USP3: variants seen among roughly 807,000 people sequenced by gnomAD.
USP3 encodes the protein ubiquitin specific peptidase 3, also known as ubiquitin carboxyl-terminal hydrolase 3.
A neutral mutation model predicts 72.3 loss-of-function variants in USP3; 20 were observed. That is an observed-to-expected ratio of 0.28 (90% CI 0.19 to 0.40). The LOEUF is 0.40. Ranked by LOEUF, USP3 falls within the 10% of genes least tolerant of loss-of-function variation. The pLI is 1.00. For missense variants in USP3, 479 were observed against 633.9 expected (o/e 0.76, Z 2.62); for synonymous variants, 222 against 225.3 (o/e 0.99, Z 0.13).
intron 1 of USP3, among the ~76,000 whole-genome samples, chr15:63,513,996 C>T (rs2065821196): frequency 6.6e-6 from 1 of 152,166 alleles, no homozygotes; most frequent in African/African-American, 2.4e-5. Flanking sequence ...AAGATTAACT[C>T]TTATTTCCAT....
chr15:63,511,195 G>C (rs2065775256), intron 1 of USP3, among the ~76,000 whole-genome samples: 2 of 129,928 alleles, frequency 1.5e-5, no homozygotes, highest in South Asian at 5.1e-4. Flanking sequence ...TGCCCAAGAT[G>C]CTTGGGGAGT....
rs758365281 is a variant in USP3, at chr15:63,588,390, C to T, written c.1182C>T (p.Ser394=). ...MCHKCKKKQK[S]TKKFWIQKLP... ...ATAAATGCAAAAAGAAACAAAAGTC[C>T]ACAAAAAAGTTTTGGATTCAAAAAC... Residue 394 remains serine, a synonymous_variant, in exon 12 of 15, where the codon TCC becomes TCT. Transcript: ENST00000380324. This position sits in a 1 kb window ranked among gnomAD's most constrained non-coding sequence, Gnocchi z 4.6. 1 of 1,605,400 alleles carries T rather than the reference C, an allele frequency of 6.2e-7. No individual in the cohort carries two copies. Among genetic ancestry groups the T allele is most frequent in the Non-Finnish European group, 8.5e-7 (1 of 1,177,858 alleles).
chr15:63,589,846 T>TAGATGAAACCCAAATAAAAGA (rs1432005229), intron 14 of USP3, among the ~76,000 whole-genome samples: 1 of 152,164 alleles, frequency 6.6e-6, no homozygotes, highest in African/African-American at 2.4e-5. Context: ...CAATTTGGGT[T>TAGATGAAACCCAAATAAAAGA]TCATCTGTAT....
intron 3 of USP3, among the ~76,000 whole-genome samples, chr15:63,538,539 A>G (rs1413106095): frequency 1.3e-5 from 2 of 150,452 alleles, no homozygotes; most frequent in Non-Finnish European, 3.0e-5. Context: ...GTGGTTTGCC[A>G]GGTCTTTTAC....
chr15:63,571,055 A>G (rs1358777737), intron 9 of USP3, among the ~76,000 whole-genome samples: 1 of 152,222 alleles, frequency 6.6e-6, no homozygotes, highest in Non-Finnish European at 1.5e-5. Context: ...AGTTCTCAGA[A>G]GTTTTTCTTG....
intron 1 of USP3, among the ~76,000 whole-genome samples, chr15:63,531,345 G>A (rs1262173864): frequency 6.7e-6 from 1 of 150,258 alleles, no homozygotes; most frequent in African/African-American, 2.4e-5. Context: ...AAAATTGGTA[G>A]GTTAGATACA....
chr15:63,580,483 A>G (rs1183488468), intron 11 of USP3, among the ~76,000 whole-genome samples: 1 of 151,624 alleles, frequency 6.6e-6, no homozygotes, highest in Non-Finnish European at 1.5e-5. Context: ...TTTATATAGT[A>G]TATAAAGTTG....
chr15:63,550,732 C>T (rs74018115), intron 3 of USP3, among the ~76,000 whole-genome samples: 1,589 of 152,278 alleles, frequency 0.01, 24 homozygotes, highest in African/African-American at 0.037. Flanking sequence ...TGCTTGGTGT[C>T]TCAAAGATTT....
intron 5 of USP3, 65 bp downstream of exon 5, chr15:63,556,813 C>G (rs980382960): frequency 1.8e-6 from 2 of 1,116,994 alleles, no homozygotes; most frequent in Non-Finnish European, 2.6e-6. Context: ...TTTGTTACAA[C>G]TCTAACATGT....
chr15:63,522,671 A>G (rs1406866343), intron 1 of USP3, among the ~76,000 whole-genome samples: 2 of 148,610 alleles, frequency 1.3e-5, no homozygotes, highest in African/African-American at 2.4e-5. Context: ...CTTCTTTGCT[A>G]AAACAAAGTT....
intron 1 of USP3, among the ~76,000 whole-genome samples, chr15:63,523,638 G>A (rs1287394298): frequency 1.3e-5 from 2 of 152,180 alleles, no homozygotes; most frequent in Non-Finnish European, 2.9e-5. Flanking sequence ...TCCTTTTTAG[G>A]TCAGTTGTGG....
At chr15:63,511,032 A>G (rs191071962) in intron 1 of USP3, among the ~76,000 whole-genome samples, 181 of 152,176 alleles carry the variant, frequency 1.2e-3, no homozygotes, top group African/African-American at 3.5e-3. Context: ...TTTCTCATCT[A>G]TTAGTTTTAC....
At chr15:63,536,584 G>C (rs2066159953) in intron 2 of USP3, among the ~76,000 whole-genome samples, 1 of 151,972 alleles carries the variant, frequency 6.6e-6, no homozygotes, top group Non-Finnish European at 1.5e-5. Context: ...ATTAAAAGTT[G>C]ACTATAGTAT....
intron 1 of USP3, among the ~76,000 whole-genome samples, chr15:63,508,960 A>G (rs1486011812): frequency 6.6e-6 from 1 of 152,176 alleles, no homozygotes; most frequent in Non-Finnish European, 1.5e-5. Context: ...TGCACCAAAA[A>G]CTGCAGATAA....
intron 6 of USP3, among the ~76,000 whole-genome samples, chr15:63,558,535 C>T (rs981392069): frequency 4.6e-5 from 7 of 151,952 alleles, no homozygotes; most frequent in Non-Finnish European, 7.4e-5. Context: ...TTTCAGGCTA[C>T]AGTCTCTCTC....
chr15:63,521,241 T>C (rs1228685033), intron 1 of USP3, among the ~76,000 whole-genome samples: 2 of 152,006 alleles, frequency 1.3e-5, no homozygotes, highest in Non-Finnish European at 2.9e-5. Flanking sequence ...TAGTACTCCA[T>C]CTGTGGATGT....
chr15:63,560,694 G>T (rs1398364945), intron 7 of USP3, among the ~76,000 whole-genome samples: 6 of 152,120 alleles, frequency 3.9e-5, no homozygotes, highest in East Asian at 1.9e-4. Context: ...TACGGAGAGG[G>T]GGGGAAGAAA....
At position 63,570,295 on chromosome 15, in the gene USP3, G is replaced by A; in HGVS notation, c.762-138G>A. 9.1e-7 allele frequency: 1 copy of A among 1,096,492 alleles called. No individual in the cohort carries two copies. Among genetic ancestry groups the A allele is most frequent in the Non-Finnish European group, 1.3e-6 (1 of 777,052 alleles). 67.9% of individuals were successfully genotyped at this position (1,096,492 alleles called of 1,614,324 possible). A position where few individuals can be genotyped will look rare whatever the true frequency, so the allele number is the denominator to read the frequency against. ...AATTCTGTCACCTGTGGAGCTTTCG[G>A]GCATGAAGGTGAGGAAGCCTGGCTG... On this transcript the variant is annotated intron_variant, in intron 8 of 14. Transcript: ENST00000380324. This position sits in a 1 kb window ranked among gnomAD's most constrained non-coding sequence, Gnocchi z 4.4.
intron 2 of USP3, among the ~76,000 whole-genome samples, chr15:63,534,207 T>C (rs1394855357): frequency 6.6e-6 from 1 of 152,194 alleles, no homozygotes; most frequent in Admixed American, 6.5e-5. Context: ...AAATTCAGAA[T>C]AGCCTGAATT....
Sources: allele counts gnomAD v4.1 joint callset (sites outside exome capture counted in the v4.1 genomes callset), GRCh38; gene constraint gnomAD v4.1.1; non-coding constraint Gnocchi (gnomAD v3.1); transcripts MANE v1.5; gene names NCBI Gene and HGNC (gene_info 2026-07-23, HGNC 2026-07-21).